The following RARB variants were observed in gnomAD, a reference collection of about 807,000 sequenced individuals.
RARB encodes the protein HBV-activated protein.
In RARB, 17 loss-of-function variants were observed where a neutral mutation model predicts 51.9. That is an observed-to-expected ratio of 0.33 (90% CI 0.22 to 0.49). The LOEUF (loss-of-function observed/expected upper bound fraction) is 0.49, where lower values mean the gene tolerates loss of function less well. RARB is among the 20% of genes least tolerant of loss of function. RARB has a pLI of 0.99. For missense variants in RARB, 369 were observed against 550.8 expected (o/e 0.67, Z 3.30); for synonymous variants, 215 against 195.4 (o/e 1.10, Z -0.84).
chr3:25,208,063 A>G (rs1244186137), intron 5 of RARB, among the ~76,000 whole-genome samples: 1 of 152,078 alleles, frequency 6.6e-6, no homozygotes, highest in Non-Finnish European at 1.5e-5. Context: ...CCGTTAAGCA[A>G]CCGGATCTCA....
chr3:25,090,820 A>G (rs1699184976), intron 3 of RARB, among the ~76,000 whole-genome samples: 2 of 152,156 alleles, frequency 1.3e-5, no homozygotes, highest in South Asian at 2.1e-4. Flanking sequence ...TGTATGGTGT[A>G]TCACAACAAC....
At chr3:25,094,758 T>C (rs1699263807) in intron 3 of RARB, among the ~76,000 whole-genome samples, 1 of 133,126 alleles carries the variant, frequency 7.5e-6, no homozygotes, top group Non-Finnish European at 1.6e-5. Flanking sequence ...TGCAACACAG[T>C]AGTTAAATAA....
intron 3 of RARB, among the ~76,000 whole-genome samples, chr3:25,082,414 A>G (rs927986883): frequency 2.0e-5 from 3 of 151,842 alleles, no homozygotes; most frequent in African/African-American, 7.2e-5. Context: ...TTTTTTCTCT[A>G]AGTTCAGTAA....
chr3:25,135,668 G>A (rs562892989), intron 4 of RARB, among the ~76,000 whole-genome samples: 2 of 152,082 alleles, frequency 1.3e-5, no homozygotes, highest in African/African-American at 2.4e-5. Flanking sequence ...CTAAATGGTA[G>A]GAAGAAAAGA....
chr3:25,264,263 G>A (rs917863413), intron 5 of RARB, among the ~76,000 whole-genome samples: 7 of 152,172 alleles, frequency 4.6e-5, no homozygotes, highest in African/African-American at 9.7e-5. Flanking sequence ...TGTGAACAAC[G>A]TTAAATGGAT....
At chr3:24,994,435 C>A (rs1575110224) in intron 2 of RARB, among the ~76,000 whole-genome samples, 1 of 151,920 alleles carries the variant, frequency 6.6e-6, no homozygotes, top group Middle Eastern at 3.2e-3. Flanking sequence ...ATATTTTCTC[C>A]CATTAGGTAG....
intron 1 of RARB, among the ~76,000 whole-genome samples, chr3:25,450,910 C>T (rs181530234): frequency 7.6e-4 from 116 of 152,168 alleles, no homozygotes; most frequent in African/African-American, 2.6e-3. Flanking sequence ...CATGGTGAAA[C>T]CCGGTTTCCA....
chr3:24,885,834 CTT>C (rs372562597), intron 2 of RARB, among the ~76,000 whole-genome samples: 22 of 152,170 alleles, frequency 1.4e-4, no homozygotes, highest in African/African-American at 4.3e-4. Context: ...CAGCTGAAAT[CTT>C]TTACAGTGAA....
chr3:24,942,019 G>A (rs1695678569), intron 2 of RARB, among the ~76,000 whole-genome samples: 1 of 152,190 alleles, frequency 6.6e-6, no homozygotes, highest in African/African-American at 2.4e-5. Context: ...GCACAGAAAT[G>A]ATTTGGCCAT....
chr3:25,122,148 A>G (rs1699794327), intron 3 of RARB, among the ~76,000 whole-genome samples: 2 of 152,148 alleles, frequency 1.3e-5, no homozygotes, highest in South Asian at 2.1e-4. Flanking sequence ...ACCCCTTTCA[A>G]TGATGGCATA....
At chr3:25,071,405 G>A (rs1047090891) in intron 3 of RARB, among the ~76,000 whole-genome samples, 12 of 152,110 alleles carry the variant, frequency 7.9e-5, no homozygotes, top group African/African-American at 2.7e-4. Context: ...CACACCAGAA[G>A]GAGAAGTAAT....
intron 2 of RARB, among the ~76,000 whole-genome samples, chr3:24,967,809 A>C (rs1696310169): frequency 6.6e-6 from 1 of 152,176 alleles, no homozygotes; most frequent in Non-Finnish European, 1.5e-5. Context: ...TTGGATGAGT[A>C]ACTAATGGAT....
At chr3:24,867,694 G>C (rs530419013) in intron 2 of RARB, among the ~76,000 whole-genome samples, 70 of 152,250 alleles carry the variant, frequency 4.6e-4, no homozygotes, top group South Asian at 8.3e-4. Flanking sequence ...AAGCAACTCA[G>C]AAGGAGACCT....
intron 2 of RARB, among the ~76,000 whole-genome samples, chr3:25,004,945 C>T (rs1458797068): frequency 6.6e-6 from 1 of 152,146 alleles, no homozygotes; most frequent in Non-Finnish European, 1.5e-5. Context: ...CTTTCAGCAG[C>T]TTTTCCTGTT....
At chr3:25,303,693 G>A (rs1704092254) in intron 5 of RARB, among the ~76,000 whole-genome samples, 1 of 152,098 alleles carries the variant, frequency 6.6e-6, no homozygotes, top group Non-Finnish European at 1.5e-5. Flanking sequence ...AGTTGCTCAG[G>A]TTTCCTTCTT....
At chr3:25,021,364 A>G (rs936299828) in intron 2 of RARB, among the ~76,000 whole-genome samples, 1 of 152,144 alleles carries the variant, frequency 6.6e-6, no homozygotes, top group African/African-American at 2.4e-5. Context: ...TTGTCACTTG[A>G]AAGTCAGTTT....
chr3:25,472,095 A>T (rs1360951883), intron 2 of RARB, among the ~76,000 whole-genome samples: 1 of 152,200 alleles, frequency 6.6e-6, no homozygotes, highest in Non-Finnish European at 1.5e-5. Flanking sequence ...ATGCATTTTC[A>T]TGTATGAAAT....
At chr3:25,390,750 A>C (rs963599350) in intron 5 of RARB, among the ~76,000 whole-genome samples, 14 of 152,186 alleles carry the variant, frequency 9.2e-5, no homozygotes, top group Non-Finnish European at 1.2e-4. Flanking sequence ...ATTTCATCAC[A>C]TGCCTAATAA....
intron 5 of RARB, among the ~76,000 whole-genome samples, chr3:25,355,523 G>T (rs187286641): frequency 6.6e-6 from 1 of 151,862 alleles, no homozygotes; most frequent in Non-Finnish European, 1.5e-5. Context: ...TTGTTTATTT[G>T]TCACTTCTCC....
Sources: gnomAD v4.1 joint callset for allele counts (sites outside exome capture counted in the v4.1 genomes callset) on GRCh38, gnomAD v4.1.1 for gene constraint, MANE v1.5 for transcripts, NCBI Gene and HGNC (gene_info 2026-07-23, HGNC 2026-07-21) for gene names.